CNTNAP2: variants seen among roughly 807,000 people sequenced by gnomAD.
CNTNAP2 encodes contactin associated protein 2.
In CNTNAP2, 98 loss-of-function variants were observed where a neutral mutation model predicts 155.2. The ratio of observed to expected loss-of-function variants is 0.63; its 90% CI spans 0.54 to 0.75. The LOEUF is 0.75. Ranked by LOEUF, CNTNAP2 falls within the 30% of genes least tolerant of loss-of-function variation. CNTNAP2 has a pLI of 0.00. For missense variants in CNTNAP2, 1,727 were observed against 1,688.1 expected (o/e 1.02, Z -0.40); for synonymous variants, 651 against 631.2 (o/e 1.03, Z -0.47).
chr7:147,904,068 G>A (rs1430794702), intron 14 of CNTNAP2, among the ~76,000 whole-genome samples: 4 of 152,152 alleles, frequency 2.6e-5, no homozygotes, highest in African/African-American at 9.7e-5. Context: ...GTGTGCATGA[G>A]TGCAGGCAGT....
chr7:146,627,011 G>A (rs79895441), intron 1 of CNTNAP2, among the ~76,000 whole-genome samples: 5,569 of 152,164 alleles, frequency 0.037, 329 homozygotes, highest in African/African-American at 0.13. Flanking sequence ...CCCAAGACTG[G>A]GAAGAAAAAG....
chr7:146,536,926 A>G (rs972767860), intron 1 of CNTNAP2, among the ~76,000 whole-genome samples: 1 of 152,172 alleles, frequency 6.6e-6, no homozygotes, highest in Non-Finnish European at 1.5e-5. Flanking sequence ...TAATTATACT[A>G]GAACTTAACC....
chr7:148,016,289 C>T (rs887525262), intron 15 of CNTNAP2, among the ~76,000 whole-genome samples: 4 of 152,186 alleles, frequency 2.6e-5, no homozygotes, highest in South Asian at 2.1e-4. Context: ...ATTGTGATAC[C>T]TCTGTCCACC....
chr7:147,548,410 A>G (rs957768426), intron 11 of CNTNAP2, among the ~76,000 whole-genome samples: 15 of 152,166 alleles, frequency 9.9e-5, no homozygotes, highest in African/African-American at 1.4e-4. Flanking sequence ...TCTTCTTTTG[A>G]AAAGTGTCTG....
At chr7:147,406,304 A>T (rs1360234690) in intron 10 of CNTNAP2, among the ~76,000 whole-genome samples, 2 of 152,178 alleles carry the variant, frequency 1.3e-5, no homozygotes, top group Non-Finnish European at 2.9e-5. Context: ...AGGAGTAAAA[A>T]TTTACAATGG....
intron 3 of CNTNAP2, among the ~76,000 whole-genome samples, chr7:146,929,983 G>A (rs1796710930): frequency 6.6e-6 from 1 of 152,190 alleles, no homozygotes; most frequent in Non-Finnish European, 1.5e-5. Context: ...TGACAGTGAT[G>A]GGGAGAATGG....
chr7:148,249,988 C>A (rs1796337000), intron 20 of CNTNAP2, among the ~76,000 whole-genome samples: 2 of 152,248 alleles, frequency 1.3e-5, no homozygotes, highest in African/African-American at 4.8e-5. Context: ...TCAACACCCA[C>A]TGACAGTCCT....
At chr7:146,358,424 A>G (rs1321027431) in intron 1 of CNTNAP2, among the ~76,000 whole-genome samples, 2 of 152,216 alleles carry the variant, frequency 1.3e-5, no homozygotes, top group East Asian at 3.9e-4. Flanking sequence ...CCTGTCTAAA[A>G]GATTTTCCTG....
chr7:146,551,177 G>A (rs999880013), intron 1 of CNTNAP2, among the ~76,000 whole-genome samples: 5 of 152,126 alleles, frequency 3.3e-5, no homozygotes, highest in African/African-American at 7.2e-5. Flanking sequence ...TAGTACGAAC[G>A]TCCTGCTCAG....
At chr7:148,142,280 T>A (rs1805090770) in intron 16 of CNTNAP2, among the ~76,000 whole-genome samples, 1 of 152,146 alleles carries the variant, frequency 6.6e-6, no homozygotes, top group African/African-American at 2.4e-5. Context: ...TTTCTCCTTA[T>A]CTCTCTGATT....
At chr7:146,509,789 T>C (rs552286182) in intron 1 of CNTNAP2, among the ~76,000 whole-genome samples, 8 of 152,198 alleles carry the variant, frequency 5.3e-5, no homozygotes, top group Non-Finnish European at 1.0e-4. Context: ...GCACTTCCCA[T>C]AGCACAGTCA....
At chr7:146,876,408 A>G (rs577691624) in intron 3 of CNTNAP2, among the ~76,000 whole-genome samples, 2 of 152,290 alleles carry the variant, frequency 1.3e-5, no homozygotes, top group Non-Finnish European at 2.9e-5. Context: ...CCGTAAAGAA[A>G]GCATATTGTT....
chr7:147,362,011 C>T (rs1796155716), intron 9 of CNTNAP2, among the ~76,000 whole-genome samples: 1 of 152,188 alleles, frequency 6.6e-6, no homozygotes, highest in African/African-American at 2.4e-5. Context: ...ATGCATTCGG[C>T]TGGAACAGTG....
At position 146,440,457 on chromosome 7, in the gene CNTNAP2, TTAAGA is replaced by T. The variant is rs199639382; in HGVS notation, c.97+323488_97+323492del. ...AATCCAAAGAGTGTAATGAAAGCCC[TTAAGA>T]TAATGACTGTGAAATAGCAATATAG... On this transcript the variant is annotated intron_variant, in intron 1 of 23. Coordinates refer to ENST00000361727, the MANE Select transcript of CNTNAP2 (RefSeq NM_014141.6). 1.8e-3 allele frequency among the ~76,000 whole-genome samples: 276 copies of T among 151,648 alleles called. 10 individuals are homozygous for T. Among genetic ancestry groups the T allele is most frequent in the African/African-American group, 6.4e-3 (261 of 40,950 alleles).
chr7:148,187,687 G>A (rs1043676827), intron 18 of CNTNAP2, among the ~76,000 whole-genome samples: 2 of 152,130 alleles, frequency 1.3e-5, no homozygotes, highest in African/African-American at 4.8e-5. Flanking sequence ...GTACAACTAT[G>A]AGCTTCCGGC....
intron 21 of CNTNAP2, among the ~76,000 whole-genome samples, chr7:148,306,611 G>A (rs951662871): frequency 7.2e-5 from 11 of 151,760 alleles, no homozygotes; most frequent in African/African-American, 2.7e-4. Flanking sequence ...TCTATTTTTT[G>A]TTCTTTGAAT....
chr7:147,730,323 A>T (rs1299255585), intron 13 of CNTNAP2, among the ~76,000 whole-genome samples: 1 of 152,130 alleles, frequency 6.6e-6, no homozygotes, highest in Non-Finnish European at 1.5e-5. Flanking sequence ...AAGGTTTGTG[A>T]CAACCCTGTT....
chr7:146,846,863 A>C (rs1458320452), intron 3 of CNTNAP2, among the ~76,000 whole-genome samples: 2 of 152,194 alleles, frequency 1.3e-5, no homozygotes, highest in Non-Finnish European at 2.9e-5. Context: ...AGTTCTTCAC[A>C]GTATAATGTA....
At chr7:146,354,761 T>C (rs140519938) in intron 1 of CNTNAP2, among the ~76,000 whole-genome samples, 243 of 152,236 alleles carry the variant, frequency 1.6e-3, no homozygotes, top group Non-Finnish European at 3.2e-3. Context: ...TATAATATAG[T>C]GGGCAACCTG....
Sources: allele counts gnomAD v4.1 joint callset (sites outside exome capture counted in the v4.1 genomes callset), GRCh38; gene constraint gnomAD v4.1.1; transcripts MANE v1.5; gene names NCBI Gene and HGNC (gene_info 2026-07-23, HGNC 2026-07-21).